The following PPP2R2B variants were observed in gnomAD, a reference collection of about 807,000 sequenced individuals.
PPP2R2B encodes protein phosphatase 2 regulatory subunit Bbeta.
A neutral mutation model predicts 46.0 loss-of-function variants in PPP2R2B; 5 were observed. The observed-to-expected ratio is 0.11, with a 90% CI of 0.06 to 0.23. The LOEUF is 0.23. Ranked by LOEUF, PPP2R2B falls within the 10% of genes least tolerant of loss-of-function variation. The probability of loss-of-function intolerance (pLI) is 1.00; values close to 1 mark genes in which losing one functional copy is unlikely to be tolerated. For synonymous variants in PPP2R2B, 215 were observed against 206.7 expected (o/e 1.04, Z -0.34); for missense variants, 367 against 575.0 (o/e 0.64, Z 3.70).
At chr5:146,866,480 G>A (rs939172356) in intron 2 of PPP2R2B, among the ~76,000 whole-genome samples, 2 of 152,116 alleles carry the variant, frequency 1.3e-5, no homozygotes, top group Admixed American at 1.3e-4. Flanking sequence ...TGTGTAATGA[G>A]TGCTTTTTCA....
intron 2 of PPP2R2B, among the ~76,000 whole-genome samples, chr5:146,808,958 G>GGT (rs35023590): frequency 0.13 from 19,040 of 146,266 alleles, 1,601 homozygotes; most frequent in East Asian, 0.44. Context: ...TGCTAACACT[G>GGT]GTGTGTGTGT....
At chr5:146,593,449 C>T (rs1770858711) in intron 8 of PPP2R2B, among the ~76,000 whole-genome samples, 1 of 152,210 alleles carries the variant, frequency 6.6e-6, no homozygotes, top group Non-Finnish European at 1.5e-5. Flanking sequence ...GCCAAATATC[C>T]TTGCAGTGCT....
intron 2 of PPP2R2B, among the ~76,000 whole-genome samples, chr5:146,735,900 A>G (rs1007908082): frequency 1.3e-5 from 2 of 152,164 alleles, no homozygotes; most frequent in Non-Finnish European, 2.9e-5. Context: ...TGAATACCAA[A>G]TATGTGGTGG....
intron 2 of PPP2R2B, among the ~76,000 whole-genome samples, chr5:146,722,871 A>AACTT (rs746750091): frequency 5.9e-5 from 9 of 152,278 alleles, no homozygotes; most frequent in Non-Finnish European, 1.2e-4. Flanking sequence ...TTGATTAAAA[A>AACTT]ACTTACTTTC....
At chr5:146,632,265 G>A (rs1023775356) in intron 7 of PPP2R2B, among the ~76,000 whole-genome samples, 9 of 152,156 alleles carry the variant, frequency 5.9e-5, no homozygotes, top group African/African-American at 1.9e-4. Flanking sequence ...ACAGGGAGAA[G>A]ACAGCCATCT....
chr5:146,978,971 T>G (rs1379795796), intron 1 of PPP2R2B, among the ~76,000 whole-genome samples: 1 of 152,222 alleles, frequency 6.6e-6, no homozygotes, highest in African/African-American at 2.4e-5. Flanking sequence ...TGTTAGTTCA[T>G]GCATATCACC....
At chr5:146,664,984 C>G (rs1776892413) in intron 5 of PPP2R2B, among the ~76,000 whole-genome samples, 1 of 136,934 alleles carries the variant, frequency 7.3e-6, no homozygotes. Flanking sequence ...TTAAAATATA[C>G]AGTAAACCAT....
rs540249303 is a variant in PPP2R2B, at chr5:146,933,676, GT to G, written c.79+121988del. Among the ~76,000 whole-genome samples the G allele has an allele frequency of 1.2e-3, 174 of 147,594 alleles. 1 individual carries two copies. Among genetic ancestry groups the G allele is most frequent in the Middle Eastern group, 7.0e-3 (2 of 284 alleles). On this transcript the variant is annotated intron_variant, in intron 1 of 8. Transcript: ENST00000336640. ...AACGGAAGTTCTTTTTTTTTTTTAA[GT>G]TTTTTTTTTCTTTTATTATTATACT...
chr5:147,069,511 A>T (rs1757511091), intron 2 of PPP2R2B, among the ~76,000 whole-genome samples: 2 of 151,980 alleles, frequency 1.3e-5, no homozygotes, highest in South Asian at 4.2e-4. Context: ...TTCCCTCCAC[A>T]ACTTCAACAT....
intron 2 of PPP2R2B, among the ~76,000 whole-genome samples, chr5:147,067,335 A>G (rs747876285): frequency 1.3e-5 from 2 of 152,034 alleles, no homozygotes; most frequent in African/African-American, 4.8e-5. Flanking sequence ...CCCAACCCCT[A>G]GTAATTATCA....
chr5:146,738,426 T>A (rs1206140737), intron 2 of PPP2R2B, among the ~76,000 whole-genome samples: 1 of 151,590 alleles, frequency 6.6e-6, no homozygotes, highest in Non-Finnish European at 1.5e-5. Flanking sequence ...AATCTTAGCT[T>A]CACAGAAAAA....
chr5:146,683,845 C>G (rs1778325725), intron 5 of PPP2R2B, among the ~76,000 whole-genome samples: 1 of 152,142 alleles, frequency 6.6e-6, no homozygotes. Flanking sequence ...ATAATGATAA[C>G]AGAAATTATT....
chr5:146,920,677 G>A (rs919906157), intron 1 of PPP2R2B, among the ~76,000 whole-genome samples: 10 of 152,146 alleles, frequency 6.6e-5, no homozygotes, highest in Non-Finnish European at 1.0e-4. Context: ...GCTGGCTACG[G>A]GGGAGAGAGC....
At chr5:146,898,216 TC>T in intron 1 of PPP2R2B, among the ~76,000 whole-genome samples, 1 of 152,082 alleles carries the variant, frequency 6.6e-6, no homozygotes, top group Middle Eastern at 3.4e-3. Context: ...AAAGTAAAGA[TC>T]AGATAGTTGT....
intron 1 of PPP2R2B, chr5:146,919,869 C>A (rs553335121): frequency 5.4e-4 from 82 of 152,240 alleles, no homozygotes; most frequent in African/African-American, 1.8e-3. Context: ...TAGTTGGGCA[C>A]TGAATTAAAC....
intron 1 of PPP2R2B, among the ~76,000 whole-genome samples, chr5:146,960,664 A>G (rs1230727489): frequency 6.6e-6 from 1 of 152,220 alleles, no homozygotes; most frequent in African/African-American, 2.4e-5. Context: ...CAAGCAATGT[A>G]GTCAAAAACC....
chr5:146,813,328 C>G (rs1447811270), intron 2 of PPP2R2B, among the ~76,000 whole-genome samples: 1 of 152,000 alleles, frequency 6.6e-6, no homozygotes, highest in East Asian at 1.9e-4. Flanking sequence ...TATTTGGATG[C>G]ATATTTTTGA....
intron 5 of PPP2R2B, among the ~76,000 whole-genome samples, chr5:146,661,357 C>A (rs535295616): frequency 3.9e-5 from 6 of 152,166 alleles, no homozygotes; most frequent in Non-Finnish European, 7.4e-5. Flanking sequence ...TAGAAGAAAC[C>A]AAGTACTAAC....
upstream of PPP2R2B, among the ~76,000 whole-genome samples, chr5:146,882,169 C>T (rs192273342): frequency 6.6e-5 from 10 of 151,080 alleles, no homozygotes; most frequent in Non-Finnish European, 1.0e-4. Flanking sequence ...CCCAGCTACT[C>T]GGGAGGCTGA....
Sources: allele counts gnomAD v4.1 joint callset (sites outside exome capture counted in the v4.1 genomes callset), GRCh38; gene constraint gnomAD v4.1.1; transcripts MANE v1.5; gene names NCBI Gene and HGNC (gene_info 2026-07-23, HGNC 2026-07-21).